The following FBXO7 variants were observed in gnomAD, a reference collection of about 807,000 sequenced individuals.
FBXO7 encodes the protein F-box protein 7.
FBXO7 carries 31 observed loss-of-function variants against 50.2 expected under a neutral mutation model. That is an observed-to-expected ratio of 0.62 (90% confidence interval 0.46 to 0.83). FBXO7 has a LOEUF of 0.83. Ranked by LOEUF, FBXO7 falls within the 40% of genes least tolerant of loss-of-function variation. FBXO7 has a pLI of 0.00. For synonymous variants in FBXO7, 256 were observed against 253.1 expected (o/e 1.01, Z -0.11); for missense variants, 667 against 646.6 (o/e 1.03, Z -0.34).
At chr22:32,476,666 TTTTA>T (rs199846862) in intron 1 of FBXO7, among the ~76,000 whole-genome samples, 3,676 of 150,556 alleles carry the variant, frequency 0.024, 60 homozygotes, top group Middle Eastern at 0.048. Context: ...CATGAAATGC[TTTTA>T]TTTGTTTTGT....
rs201729077 is a variant in FBXO7 at position 32,479,109 on chromosome 22, C to T, written c.251C>T (p.Ala84Val). Residue 84 changes from alanine to valine, a missense_variant, in exon 2 of 9, where the codon GCG becomes GTG. Physicochemically the swap from Ala to Val is moderately conservative, Grantham distance 64. Coordinates refer to ENST00000266087, the MANE Select transcript of FBXO7 (RefSeq NM_012179.4). ...ICLILQDDIP[A>V]PNIPSSTDSE... is the part of the protein sequence containing the mutation. ...TTGATTCTTCAAGATGACATTCCAGCGCCTAATATACCTTCATCCACAGAT... is the reference window on the plus strand; with the variant it reads ...TTGATTCTTCAAGATGACATTCCAGTGCCTAATATACCTTCATCCACAGAT... 11 of 1,614,024 alleles carry T rather than the reference C, an allele frequency of 6.8e-6. No homozygotes were observed. The highest frequency in any genetic ancestry group is 9.3e-6 in the Non-Finnish European group (11 of 1,180,036).
Position 32,484,004 on chromosome 22 carries a change from G to A in FBXO7, c.525G>A (p.Val175=), listed in dbSNP as rs1460711755. ...AACCCATGCTCTGTAGTGAATCGGT[G>A]GAAGGGCAAGTGCCACATTCATTAG... is the stretch of plus-strand genomic sequence containing the variant. ...PSEPMLCSES[V]EGQVPHSLET... The change falls in exon 3 of 9, where the codon GTG becomes GTA. Residue 175 remains valine, a synonymous_variant. Transcript: ENST00000266087. The A allele has an allele frequency of 3.1e-6, 5 of 1,614,168 alleles. No homozygotes were observed. The highest frequency in any genetic ancestry group is 2.2e-5 in the South Asian group (2 of 91,086).
chr22:32,488,481 A>AT (rs2057513469), intron 5 of FBXO7: 1 of 152,418 alleles, frequency 6.6e-6, no homozygotes, highest in East Asian at 1.9e-4. Flanking sequence ...GGGAACTGAC[A>AT]TTTTTTAAGT....
chr22:32,492,869 C>T, intron 6 of FBXO7: 1 of 562,198 alleles, frequency 1.8e-6, no homozygotes. Flanking sequence ...AAGCATTTGT[C>T]TTTCCACTAA....
intron 1 of FBXO7, among the ~76,000 whole-genome samples, chr22:32,476,563 A>T (rs1466772863): frequency 6.6e-6 from 1 of 152,188 alleles, no homozygotes; most frequent in African/African-American, 2.4e-5. Flanking sequence ...TTCTGAAAGT[A>T]TACTCATTTT....
intron 2 of FBXO7, among the ~76,000 whole-genome samples, chr22:32,480,660 C>A (rs1033407): frequency 0.59 from 89,127 of 151,392 alleles, 26,403 homozygotes; most frequent in East Asian, 0.69. Flanking sequence ...TACATGCCTC[C>A]TCATTTTTCC....
At position 32,491,193 on chromosome 22, in the gene FBXO7, A is replaced by G; in HGVS notation, c.967+12A>G. 6.6e-7 allele frequency: 1 copy of G among 1,521,872 alleles called. No individual in the cohort carries two copies. The highest frequency in any genetic ancestry group is 9.1e-7 in the Non-Finnish European group (1 of 1,096,608). The allele number at this position is 1,521,872 out of a possible 1,614,324, so 94.3% of individuals were successfully genotyped here. ...TTTTACCCGACAAGGTAAGAGATGA[A>G]ATACTGTCACAATTTAAATGACTGT... is the stretch of plus-strand genomic sequence containing the variant. On this transcript the variant is annotated intron_variant, in intron 6 of 8. Coordinates refer to ENST00000266087, the MANE Select transcript of FBXO7 (RefSeq NM_012179.4).
chr22:32,494,307 C>A (rs2057558262), intron 7 of FBXO7, among the ~76,000 whole-genome samples: 1 of 152,026 alleles, frequency 6.6e-6, no homozygotes, highest in Non-Finnish European at 1.5e-5. Flanking sequence ...TCACAATTGG[C>A]AGCAAGAAAG....
chr22:32,487,821 G>A lies in FBXO7; in HGVS notation c.864G>A (p.Glu288=). Reference sequence around the variant, plus strand: ...TACCAGAATCTTTTATTTGCAAAGAGAAACTAGGTAATACAAACATTATTT... The same window carrying A: ...TACCAGAATCTTTTATTTGCAAAGAAAAACTAGGTAATACAAACATTATTT... ...QLLPESFICK[E]KLGENVANIY... is the part of the protein sequence containing the mutation. The change falls in exon 5 of 9, where the codon GAG becomes GAA. Residue 288 remains glutamate (E), a synonymous_variant. Coordinates refer to ENST00000266087, the MANE Select transcript of FBXO7 (RefSeq NM_012179.4). 6.3e-7 allele frequency: 1 copy of A among 1,587,904 alleles called. No individual in the cohort carries two copies. The highest frequency in any genetic ancestry group is 2.2e-5 in the East Asian group (1 of 44,582).
At chr22:32,475,496 G>A in intron 1 of FBXO7, 11 of 1,502,268 alleles carry the variant, frequency 7.3e-6, no homozygotes, top group Non-Finnish European at 9.1e-6. Flanking sequence ...GAAATGATGA[G>A]CTTGGCTTGG....
In FBXO7 at chr22:32,498,294, G is replaced by T; in HGVS notation, c.1333G>T (p.Gly445Trp). ...PSSRLPPGIIGGEYDQRPTLP... is the reference protein window; with the variant it reads ...PSSRLPPGIIWGEYDQRPTLP... ...CTCCCGCCTTCCTCCAGGAATTATC[G>T]GGGGTGAATATGACCAAAGACCAAC... Residue 445 changes from glycine to tryptophan, a missense_variant, in exon 9 of 9, where the codon GGG becomes TGG. Physicochemically the swap from Gly to Trp is radical, Grantham distance 184. Coordinates refer to ENST00000266087, the MANE Select transcript of FBXO7 (RefSeq NM_012179.4). 1.2e-6 allele frequency: 2 copies of T among 1,614,052 alleles called. No individual in the cohort carries two copies. Among genetic ancestry groups the T allele is most frequent in the East Asian group, 2.2e-5 (1 of 44,868 alleles).
intron 7 of FBXO7, among the ~76,000 whole-genome samples, chr22:32,494,518 G>GTTTGT (rs1280659918): frequency 2.6e-5 from 4 of 151,910 alleles, no homozygotes; most frequent in African/African-American, 9.7e-5. Context: ...ATTTTTGTTT[G>GTTTGT]TTTGTTTGTT....
intron 1 of FBXO7, among the ~76,000 whole-genome samples, chr22:32,476,282 T>C (rs2057428391): frequency 6.6e-6 from 1 of 152,226 alleles, no homozygotes; most frequent in African/African-American, 2.4e-5. Context: ...CTGTTATTTC[T>C]TGTTGTTAAA....
intron 2 of FBXO7, among the ~76,000 whole-genome samples, chr22:32,481,019 T>A (rs1291549618): frequency 6.6e-6 from 1 of 152,206 alleles, no homozygotes; most frequent in African/African-American, 2.4e-5. Context: ...TTTATTTTTT[T>A]AATACCAATA....
rs767327051 is a variant in FBXO7, at chr22:32,485,116, G to A, written c.694G>A (p.Gly232Arg). ...LSMPEKWKLS[G>R]VYKLQYMHPL... ...CATGCCGGAGAAGTGGAAGTTGAGC[G>A]GGGTGTATAAGCTGCAGTACATGCA... Residue 232 changes from glycine (G) to arginine (R), a missense_variant, in exon 4 of 9, where the codon GGG becomes AGG. Transcript: ENST00000266087. 42 of 1,614,074 alleles carry A rather than the reference G, an allele frequency of 2.6e-5. No homozygotes were observed. The South Asian group carries it at 3.0e-4, about 11-fold the overall frequency.
intron 6 of FBXO7, chr22:32,492,618 C>A: frequency 5.0e-6 from 1 of 201,988 alleles, no homozygotes. Flanking sequence ...CTTCTCACAA[C>A]TCATTGAAGT....
intron 2 of FBXO7, among the ~76,000 whole-genome samples, chr22:32,480,464 GCA>G (rs1049909687): frequency 6.7e-6 from 1 of 150,372 alleles, no homozygotes; most frequent in Admixed American, 6.7e-5. Context: ...GCATGCATGT[GCA>G]CACACACAAC....
intron 1 of FBXO7, 30 bp downstream of exon 1, chr22:32,475,154 CGGGGAGT>C: frequency 1.7e-6 from 2 of 1,163,122 alleles, no homozygotes; most frequent in East Asian, 1.0e-4. Flanking sequence ...GGGCGGCCCG[CGGGGAGT>C]GGGGAGTGCT....
chr22:32,494,885 C>T (rs1193074592), intron 7 of FBXO7, among the ~76,000 whole-genome samples: 4 of 152,194 alleles, frequency 2.6e-5, no homozygotes, highest in Admixed American at 6.5e-5. Flanking sequence ...TTTATTCAAA[C>T]TCTTTTGTAT....
Sources: gnomAD v4.1 joint callset for allele counts (sites outside exome capture counted in the v4.1 genomes callset) on GRCh38, gnomAD v4.1.1 for gene constraint, MANE v1.5 for transcripts, NCBI Gene and HGNC (gene_info 2026-07-23, HGNC 2026-07-21) for gene names.